The following SEC23B variants were observed in gnomAD, a reference collection of about 807,000 sequenced individuals.
SEC23B encodes SEC23 homolog B, COPII component, also known as protein transport protein Sec23B.
A neutral mutation model predicts 104.3 loss-of-function variants in SEC23B; 77 were observed. The observed-to-expected ratio is 0.74, with a 90% CI of 0.61 to 0.89. The LOEUF (loss-of-function observed/expected upper bound fraction) is 0.89, where lower values mean the gene tolerates loss of function less well. SEC23B is among the 40% of genes least tolerant of loss of function. SEC23B has a pLI of 0.00. For synonymous variants in SEC23B, 338 were observed against 332.5 expected (o/e 1.02, Z -0.18); for missense variants, 885 against 949.4 (o/e 0.93, Z 0.89).
At position 18,535,854 on chromosome 20, in the gene SEC23B, G is replaced by C. The variant is rs1380516265; in HGVS notation, c.1404+112G>C. The C allele has an allele frequency of 1.5e-5, 12 of 821,360 alleles. No individual in the cohort carries two copies. In the African/African-American group the frequency reaches 1.8e-4, roughly 13 times the overall value. 50.9% of individuals were successfully genotyped at this position (821,360 alleles called of 1,614,324 possible). A position where few individuals can be genotyped will look rare whatever the true frequency, so the allele number is the denominator to read the frequency against. On this transcript the variant is annotated intron_variant, in intron 12 of 19. Transcript: ENST00000650089. Reference sequence around the variant, plus strand: ...CACAAACCAATATTCCTTGGGTATTGTATTAGGCCTGATGATAGTCTGGCA... The same window carrying C: ...CACAAACCAATATTCCTTGGGTATTCTATTAGGCCTGATGATAGTCTGGCA...
chr20:18,538,079 G>A (rs979532665), intron 12 of SEC23B, among the ~76,000 whole-genome samples: 2 of 151,920 alleles, frequency 1.3e-5, no homozygotes, highest in African/African-American at 4.8e-5. Flanking sequence ...GAGTAGCTAG[G>A]CTTACAGGTG....
intron 19 of SEC23B, among the ~76,000 whole-genome samples, chr20:18,556,113 G>T (rs1429691462): frequency 6.6e-6 from 1 of 152,102 alleles, no homozygotes; most frequent in Non-Finnish European, 1.5e-5. Flanking sequence ...CTGATCTGAT[G>T]GGAGGTGGAG....
At chr20:18,522,076 G>A (rs1316907214) in intron 4 of SEC23B, among the ~76,000 whole-genome samples, 1 of 152,196 alleles carries the variant, frequency 6.6e-6, no homozygotes, top group Admixed American at 6.5e-5. Flanking sequence ...CACAGGCTAA[G>A]GGAGAAGAAG....
At chr20:18,523,595 G>T (rs1465888707) in intron 4 of SEC23B, among the ~76,000 whole-genome samples, 1 of 151,244 alleles carries the variant, frequency 6.6e-6, no homozygotes, top group East Asian at 2.0e-4. Flanking sequence ...TACAGATAGG[G>T]TTTCACCATG....
rs57231166 is a variant in SEC23B, at chr20:18,518,582, G to GTTTTTTTTTTTTTTT, written c.366+2855_366+2869dup. Among the ~76,000 whole-genome samples, 13 of 92,662 alleles carry GTTTTTTTTTTTTTTT rather than the reference G, an allele frequency of 1.4e-4. 2 individuals are homozygous for GTTTTTTTTTTTTTTT. The highest frequency in any genetic ancestry group is 2.1e-4 in the African/African-American group (5 of 23,698). 60.8% of individuals were successfully genotyped at this position (92,662 alleles called of 152,430 possible). ...AATGGGCCTGTGAGGCTGGAAGGAG[G>GTTTTTTTTTTTTTTT]TTTTTTTTTTTTTTTTTTTTTTTGT... On this transcript the variant is annotated intron_variant, in intron 4 of 19. Coordinates refer to ENST00000650089, the MANE Select transcript of SEC23B (RefSeq NM_006363.6).
chr20:18,511,726 C>T (rs1455797980), intron 2 of SEC23B, among the ~76,000 whole-genome samples: 2 of 152,156 alleles, frequency 1.3e-5, no homozygotes, highest in Non-Finnish European at 2.9e-5. Flanking sequence ...GTAACTGAAG[C>T]ATTATCTTGA....
At chr20:18,528,936 G>C (rs1283122391) in intron 9 of SEC23B, among the ~76,000 whole-genome samples, 1 of 152,234 alleles carries the variant, frequency 6.6e-6, no homozygotes, top group Admixed American at 6.5e-5. Flanking sequence ...GGTGATTCCA[G>C]GCTGTGCTAT....
intron 19 of SEC23B, among the ~76,000 whole-genome samples, chr20:18,556,597 A>G (rs1194885592): frequency 6.6e-6 from 1 of 152,206 alleles, no homozygotes; most frequent in Non-Finnish European, 1.5e-5. Flanking sequence ...TTATTTTCTC[A>G]AAGAATCAGC....
chr20:18,559,025 CCTGCTACTTTTCG>C (rs2060467130), intron 19 of SEC23B, among the ~76,000 whole-genome samples: 1 of 144,532 alleles, frequency 6.9e-6, no homozygotes, highest in South Asian at 2.2e-4. Context: ...CTTATTTAAA[CCTGCTACTTTTCG>C]CTGATTTTTT....
At position 18,550,168 on chromosome 20, in the gene SEC23B, T is replaced by G. The variant is rs191168859; in HGVS notation, c.1906-921T>G. Reference sequence around the variant, plus strand: ...TACTTACAAATAAATAATAAACGTATTTTTTTTTGAGATGGGGTGTCTGTC... The same window carrying G: ...TACTTACAAATAAATAATAAACGTAGTTTTTTTTGAGATGGGGTGTCTGTC... On this transcript the variant is annotated intron_variant, in intron 16 of 19. Coordinates refer to ENST00000650089, the MANE Select transcript of SEC23B (RefSeq NM_006363.6). Among the ~76,000 whole-genome samples, 20 of 143,502 alleles carry G rather than the reference T, an allele frequency of 1.4e-4. No homozygotes were observed. In the East Asian group the frequency reaches 4.5e-3, roughly 32 times the overall value. The allele number at this position is 143,502 out of a possible 152,430, so 94.1% of individuals were successfully genotyped here. A position where few individuals can be genotyped will look rare whatever the true frequency, so the allele number is the denominator to read the frequency against.
At chr20:18,554,102 T>A (rs2060413143) in intron 17 of SEC23B, 133 bp from the exon 18 acceptor site, 4 of 1,074,794 alleles carry the variant, frequency 3.7e-6, no homozygotes, top group Non-Finnish European at 5.5e-6. Flanking sequence ...GCTCTCCCTC[T>A]GAAGCTTGTC....
chr20:18,543,474 T>G (rs991652321), intron 14 of SEC23B, among the ~76,000 whole-genome samples: 2 of 152,234 alleles, frequency 1.3e-5, no homozygotes, highest in Non-Finnish European at 2.9e-5. Flanking sequence ...ATTTTTCTTC[T>G]AAATCTGGAA....
At chr20:18,537,402 A>G (rs1243786291) in intron 12 of SEC23B, among the ~76,000 whole-genome samples, 4 of 151,720 alleles carry the variant, frequency 2.6e-5, no homozygotes, top group African/African-American at 7.3e-5. Context: ...ATGGAATACT[A>G]TGCAGCCATA....
chr20:18,540,266 C>T lies in SEC23B; in HGVS notation c.1405-2030C>T, dbSNP rs114296760. ...AAATTTCTCCTTGATTCATGGGATG[C>T]AGAACGGATGTTGTGTTAGCAGGCA... On this transcript the variant is annotated intron_variant, in intron 12 of 19. Coordinates refer to ENST00000650089, the MANE Select transcript of SEC23B (RefSeq NM_006363.6). 3.5e-3 allele frequency among the ~76,000 whole-genome samples: 534 copies of T among 152,300 alleles called. 2 individuals are homozygous for T. The highest frequency in any genetic ancestry group is 0.012 in the African/African-American group (500 of 41,558).
rs752324886 is a variant in SEC23B at position 18,543,125 on chromosome 20, G to A, written c.1618G>A (p.Glu540Lys). Residue 540 changes from glutamate to lysine, a missense_variant, in exon 14 of 20, where the codon GAG (glutamate) becomes AAG (lysine). Transcript: ENST00000650089. ...RLGVFRAESE[E>K]GPDVLRWLDR... Reference sequence around the variant, plus strand: ...TGGGGTGTTCCGAGCGGAGTCAGAGGAGGGGCCCGATGTGCTCCGGTGGCT... The same window carrying A: ...TGGGGTGTTCCGAGCGGAGTCAGAGAAGGGGCCCGATGTGCTCCGGTGGCT... 6.2e-6 allele frequency: 10 copies of A among 1,614,080 alleles called. No individual in the cohort carries two copies. Among genetic ancestry groups the A allele is most frequent in the African/African-American group, 1.3e-5 (1 of 74,912 alleles).
intron 4 of SEC23B, among the ~76,000 whole-genome samples, chr20:18,519,948 TGGG>T (rs1164894178): frequency 6.6e-6 from 1 of 152,132 alleles, no homozygotes; most frequent in Non-Finnish European, 1.5e-5. Context: ...ACTGAAGTAA[TGGG>T]GGCTGTCCGC....
At chr20:18,541,353 T>C (rs2060286313) in intron 12 of SEC23B, among the ~76,000 whole-genome samples, 1 of 152,276 alleles carries the variant, frequency 6.6e-6, no homozygotes, top group Admixed American at 6.5e-5. Context: ...TTTAATTTCC[T>C]TCAAGAACTT....
At chr20:18,545,799 C>T (rs1224336073) in intron 14 of SEC23B, among the ~76,000 whole-genome samples, 157 bp from the exon 15 acceptor site, 1 of 152,160 alleles carries the variant, frequency 6.6e-6, no homozygotes, top group Non-Finnish European at 1.5e-5. Flanking sequence ...TGCCTGCTCA[C>T]TGATGCTTGA....
chr20:18,524,761 G>T, intron 5 of SEC23B, 92 bp downstream of exon 5: 2 of 1,223,436 alleles, frequency 1.6e-6, no homozygotes, highest in Non-Finnish European at 2.4e-6. Context: ...CCAGGCTGGA[G>T]TTCAGTGGTG....
Sources: gnomAD v4.1 joint callset for allele counts (sites outside exome capture counted in the v4.1 genomes callset) on GRCh38, gnomAD v4.1.1 for gene constraint, MANE v1.5 for transcripts, NCBI Gene and HGNC (gene_info 2026-07-23, HGNC 2026-07-21) for gene names.